Variants in VEZT observed in about 807,000 individuals in gnomAD.
VEZT encodes the protein vezatin.
In VEZT, 39 loss-of-function variants were observed where a neutral mutation model predicts 79.9. The observed-to-expected ratio is 0.49, with a 90% CI of 0.38 to 0.64. The LOEUF is 0.64. Among genes scored for constraint, VEZT ranks in the 30% least tolerant of loss-of-function variants. VEZT has a pLI of 0.00. For missense variants in VEZT, 837 were observed against 893.1 expected (o/e 0.94, Z 0.80); for synonymous variants, 325 against 327.6 (o/e 0.99, Z 0.09).
chr12:95,259,990 G>C (rs574909362), intron 3 of VEZT, among the ~76,000 whole-genome samples: 19 of 151,816 alleles, frequency 1.3e-4, no homozygotes, highest in African/African-American at 4.6e-4. Flanking sequence ...TTTCCTCTAC[G>C]TGAGGCAATC....
chr12:95,301,609 A>G lies in VEZT; in HGVS notation c.*936A>G, dbSNP rs1449179443. Reference sequence around the variant, plus strand: ...ACCTCTTAACAGAGACTGCTTTTCAAATTGGCCAATCTTACCTGTTTTGTG... The same window carrying G: ...ACCTCTTAACAGAGACTGCTTTTCAGATTGGCCAATCTTACCTGTTTTGTG... On this transcript the variant is annotated 3_prime_UTR_variant, in exon 12 of 12. Transcript: ENST00000436874. 2.0e-5 allele frequency: 3 copies of G among 152,194 alleles called. No homozygotes were observed. The highest frequency in any genetic ancestry group is 2.9e-5 in the Non-Finnish European group (2 of 68,034). The allele number at this position is 152,194 out of a possible 1,614,324, so 9.4% of individuals were successfully genotyped here. A position where few individuals can be genotyped will look rare whatever the true frequency, so the allele number is the denominator to read the frequency against.
At chr12:95,277,414 A>T (rs2068010004) in intron 7 of VEZT, among the ~76,000 whole-genome samples, 1 of 152,158 alleles carries the variant, frequency 6.6e-6, no homozygotes, top group Admixed American at 6.5e-5. Context: ...GTTGCCAGTG[A>T]AACAATCAGG....
chr12:95,291,031 A>G (rs975792953), intron 9 of VEZT, among the ~76,000 whole-genome samples: 14 of 152,098 alleles, frequency 9.2e-5, no homozygotes, highest in Non-Finnish European at 7.4e-5. Flanking sequence ...TTGGGAGCCC[A>G]AGGAGGGAGG....
At chr12:95,224,585 C>T (rs2058139207) in intron 1 of VEZT, among the ~76,000 whole-genome samples, 1 of 152,168 alleles carries the variant, frequency 6.6e-6, no homozygotes, top group Admixed American at 6.5e-5. Context: ...CCCCCTCTAC[C>T]CCTATTACCA....
chr12:95,295,950 CT>C (rs556611291), intron 10 of VEZT, 100 bp from the exon 11 acceptor site: 2,621 of 880,432 alleles, frequency 3.0e-3, no homozygotes, highest in South Asian at 3.9e-3. Context: ...AATGCAAGTC[CT>C]TTTTTTTTAA....
chr12:95,295,893 A>G (rs1427963023), intron 10 of VEZT, among the ~76,000 whole-genome samples, 158 bp from the exon 11 acceptor site: 2 of 152,194 alleles, frequency 1.3e-5, no homozygotes, highest in African/African-American at 4.8e-5. Flanking sequence ...CCATAGGTAT[A>G]TATTTGCTTT....
chr12:95,221,435 T>G (rs2057563685), intron 1 of VEZT, among the ~76,000 whole-genome samples: 1 of 151,906 alleles, frequency 6.6e-6, no homozygotes, highest in African/African-American at 2.4e-5. Context: ...CATGGTGGCA[T>G]GCACCTGTAG....
intron 2 of VEZT, among the ~76,000 whole-genome samples, chr12:95,253,541 G>C (rs1258216500): frequency 2.0e-5 from 3 of 152,164 alleles, no homozygotes; most frequent in Non-Finnish European, 2.9e-5. Context: ...TATTTAATAA[G>C]CTTGGATTTG....
At chr12:95,281,469 C>A (rs1369400405) in intron 7 of VEZT, among the ~76,000 whole-genome samples, 1 of 151,926 alleles carries the variant, frequency 6.6e-6, no homozygotes, top group South Asian at 2.1e-4. Context: ...CAGAGCAAGA[C>A]TCTATCACAA....
chr12:95,223,857 C>A (rs1282282308), intron 1 of VEZT, among the ~76,000 whole-genome samples: 1 of 152,042 alleles, frequency 6.6e-6, no homozygotes, highest in East Asian at 1.9e-4. Flanking sequence ...TATTTCCATT[C>A]ATCTATTTGT....
intron 9 of VEZT, among the ~76,000 whole-genome samples, chr12:95,289,725 A>G (rs1239799884): frequency 6.6e-6 from 1 of 152,252 alleles, no homozygotes; most frequent in Non-Finnish European, 1.5e-5. Flanking sequence ...GTTCATTTGA[A>G]TATTTTAAGA....
intron 3 of VEZT, among the ~76,000 whole-genome samples, chr12:95,258,464 A>T (rs1316891769): frequency 1.3e-5 from 2 of 152,172 alleles, no homozygotes; most frequent in Non-Finnish European, 2.9e-5. Context: ...AAGAATACAT[A>T]CCTAAGGATT....
At chr12:95,292,822 C>T (rs2073257092) in intron 9 of VEZT, among the ~76,000 whole-genome samples, 1 of 143,138 alleles carries the variant, frequency 7.0e-6, no homozygotes, top group South Asian at 2.2e-4. Flanking sequence ...GCTGGAATTA[C>T]AGGTGTGAGC....
chr12:95,220,284 ATCTCTACAAAAAAGACAAAAATTATTTGG>A (rs1018000130), intron 1 of VEZT, among the ~76,000 whole-genome samples: 4 of 152,070 alleles, frequency 2.6e-5, no homozygotes, highest in Non-Finnish European at 2.9e-5. Context: ...GTGAAACCCT[ATCTCTACAAAAAAGACAAAAATTATTTGG>A]GCGTGGTGGC....
At chr12:95,288,039 A>G (rs1424350469) in intron 9 of VEZT, among the ~76,000 whole-genome samples, 182 bp downstream of exon 9, 1 of 152,156 alleles carries the variant, frequency 6.6e-6, no homozygotes, top group East Asian at 1.9e-4. Context: ...CTTGGCTCTC[A>G]TTTTGTAAAT....
intron 1 of VEZT, among the ~76,000 whole-genome samples, chr12:95,236,776 G>A (rs10161366): frequency 0.11 from 17,157 of 151,878 alleles, 1,265 homozygotes; most frequent in East Asian, 0.16. Context: ...TAGTAGAGAC[G>A]GGGTTTCACT....
chr12:95,225,511 C>T (rs866731406), intron 1 of VEZT, among the ~76,000 whole-genome samples: 25 of 151,898 alleles, frequency 1.6e-4, no homozygotes, highest in Admixed American at 5.2e-4. Flanking sequence ...GAGCCAAGAT[C>T]GCGCCACTGC....
chr12:95,266,408 TTGG>T lies in VEZT; in HGVS notation c.490_492del (p.Trp164del), dbSNP rs758291564. ...TTAGCTTGCTCGTTATGCTTCCCAC[TTGG>T]TGGATTGTGTCTTCCTGGCTGGTAT... On this transcript the variant is annotated inframe_deletion, in exon 5 of 12. Coordinates refer to ENST00000436874, the MANE Select transcript of VEZT (RefSeq NM_017599.4). The T allele has an allele frequency of 1.5e-5, 25 of 1,613,930 alleles. No individual in the cohort carries two copies. The highest frequency in any genetic ancestry group is 8.3e-5 in the Admixed American group (5 of 60,024).
intron 1 of VEZT, chr12:95,243,903 C>T (rs2061374998): frequency 2.2e-6 from 1 of 454,466 alleles, no homozygotes; most frequent in Non-Finnish European, 4.4e-6. Flanking sequence ...TTTGCACATA[C>T]CCACTCCCGC....
Sources: allele counts gnomAD v4.1 joint callset (sites outside exome capture counted in the v4.1 genomes callset), GRCh38; gene constraint gnomAD v4.1.1; transcripts MANE v1.5; gene names NCBI Gene and HGNC (gene_info 2026-07-23, HGNC 2026-07-21).